TENM3: variants seen among roughly 807,000 people sequenced by gnomAD.
TENM3 encodes the protein teneurin-3.
A neutral mutation model predicts 255.1 loss-of-function variants in TENM3; 63 were observed. That is an observed-to-expected ratio of 0.25 (90% CI 0.20 to 0.30). The LOEUF (loss-of-function observed/expected upper bound fraction) is 0.30. Among genes scored for constraint, TENM3 ranks in the 10% least tolerant of loss-of-function variants. TENM3 has a pLI of 1.00. For missense variants in TENM3, 2,929 were observed against 3,461.1 expected (o/e 0.85, Z 3.86); for synonymous variants, 1,306 against 1,322.3 (o/e 0.99, Z 0.27).
At chr4:182,169,777 G>C (rs1006051276) in intron 1 of TENM3, among the ~76,000 whole-genome samples, 8 of 151,964 alleles carry the variant, frequency 5.3e-5, no homozygotes, top group African/African-American at 1.7e-4. Flanking sequence ...ATGTAGCTAT[G>C]TCAGCTACAG....
At chr4:182,150,046 T>C (rs994843151) in intron 1 of TENM3, among the ~76,000 whole-genome samples, 2 of 151,982 alleles carry the variant, frequency 1.3e-5, no homozygotes, top group East Asian at 3.9e-4. Flanking sequence ...TTCTCAAATA[T>C]TGTGGAGTAG....
chr4:182,295,569 GTA>G (rs748881643), intron 1 of TENM3, among the ~76,000 whole-genome samples: 1 of 151,934 alleles, frequency 6.6e-6, no homozygotes, highest in Non-Finnish European at 1.5e-5. Flanking sequence ...GTGCCGGATG[GTA>G]TATGTGCTTT....
At chr4:182,070,639 C>G in the TENM3 span, among the ~76,000 whole-genome samples, 1 of 152,036 alleles carries the variant, frequency 6.6e-6, no homozygotes, top group Non-Finnish European at 1.5e-5. Flanking sequence ...TACACATATA[C>G]ACAGAAGAAA....
chr4:181,967,513 A>G, the TENM3 span, among the ~76,000 whole-genome samples: 2 of 152,170 alleles, frequency 1.3e-5, no homozygotes, highest in Admixed American at 6.5e-5. Flanking sequence ...TCTTTATCTC[A>G]TGAAGCAAGT....
intron 1 of TENM3, among the ~76,000 whole-genome samples, chr4:182,251,791 G>T (rs2150119372): frequency 6.6e-6 from 1 of 152,294 alleles, no homozygotes; most frequent in South Asian, 2.1e-4. Flanking sequence ...AACATGCACA[G>T]AACATAAAAT....
chr4:182,253,033 G>C (rs1758129036), intron 1 of TENM3, among the ~76,000 whole-genome samples: 1 of 152,204 alleles, frequency 6.6e-6, no homozygotes, highest in Non-Finnish European at 1.5e-5. Flanking sequence ...CCTCTGAAAG[G>C]AGAAAGAAAA....
At chr4:182,556,472 T>TAGTGAAATC (rs1290034451) in intron 3 of TENM3, among the ~76,000 whole-genome samples, 1 of 152,214 alleles carries the variant, frequency 6.6e-6, no homozygotes, top group African/African-American at 2.4e-5. Context: ...ACAAAGTAAT[T>TAGTGAAATC]AGTGAAATCA....
At chr4:181,957,717 A>G in the TENM3 span, among the ~76,000 whole-genome samples, 1 of 152,170 alleles carries the variant, frequency 6.6e-6, no homozygotes, top group Non-Finnish European at 1.5e-5. Context: ...GTTTGCTAAC[A>G]TCTGACAGTA....
the TENM3 span, among the ~76,000 whole-genome samples, chr4:181,853,941 C>T: frequency 3.9e-5 from 6 of 152,166 alleles, no homozygotes; most frequent in African/African-American, 1.4e-4. Flanking sequence ...TTGAAAGAAT[C>T]TTATTACAAA....
chr4:181,902,892 G>C, the TENM3 span, among the ~76,000 whole-genome samples: 1 of 152,180 alleles, frequency 6.6e-6, no homozygotes, highest in Admixed American at 6.5e-5. Flanking sequence ...ACATGATACT[G>C]AGTGATGAGG....
At chr4:181,615,789 C>T in the TENM3 span, among the ~76,000 whole-genome samples, 1 of 152,148 alleles carries the variant, frequency 6.6e-6, no homozygotes, top group Admixed American at 6.5e-5. Context: ...ATAAGAAAGA[C>T]CTCAGAATGT....
chr4:181,928,778 G>A, the TENM3 span, among the ~76,000 whole-genome samples: 1 of 152,100 alleles, frequency 6.6e-6, no homozygotes, highest in Non-Finnish European at 1.5e-5. Flanking sequence ...GGCAGCCAGC[G>A]AGTAAGATCG....
At chr4:182,085,118 T>C in the TENM3 span, 1 of 152,198 alleles carries the variant, frequency 6.6e-6, no homozygotes, top group African/African-American at 2.4e-5. Flanking sequence ...TAATGTTGGC[T>C]CTGTGAAACC....
the TENM3 span, among the ~76,000 whole-genome samples, chr4:181,641,028 A>G: frequency 7.2e-5 from 11 of 152,318 alleles, no homozygotes; most frequent in South Asian, 2.3e-3. Context: ...GTAATCACAC[A>G]AGGGACTATT....
chr4:182,583,047 AT>A (rs1745655545), intron 3 of TENM3, among the ~76,000 whole-genome samples: 1 of 152,166 alleles, frequency 6.6e-6, no homozygotes, highest in Non-Finnish European at 1.5e-5. Flanking sequence ...TAATGTTAAT[AT>A]TTTTATTCTC....
chr4:182,573,502 A>G (rs190261173), intron 3 of TENM3, among the ~76,000 whole-genome samples: 26 of 152,334 alleles, frequency 1.7e-4, no homozygotes, highest in African/African-American at 6.3e-4. Flanking sequence ...TTTGTGTGAC[A>G]CCATCAGAAA....
intron 3 of TENM3, among the ~76,000 whole-genome samples, chr4:182,379,101 G>C (rs946017236): frequency 3.9e-5 from 6 of 152,222 alleles, no homozygotes; most frequent in Non-Finnish European, 8.8e-5. Flanking sequence ...GCAAGGGCCA[G>C]GCTTGGTGGC....
At chr4:182,218,340 A>C (rs1202185526) in intron 1 of TENM3, among the ~76,000 whole-genome samples, 1 of 152,198 alleles carries the variant, frequency 6.6e-6, no homozygotes, top group Non-Finnish European at 1.5e-5. Context: ...GAGATATTTT[A>C]ACAGGAATTA....
rs1409955863 is a variant in TENM3, at chr4:182,680,685, C to T, written c.1782C>T (p.Ile594=). 1.2e-6 allele frequency: 2 copies of T among 1,600,964 alleles called. No individual in the cohort carries two copies. The highest frequency in any genetic ancestry group is 1.7e-6 in the Non-Finnish European group (2 of 1,174,962). Residue 594 remains isoleucine (I), a synonymous_variant, in exon 10 of 28, where the codon ATC becomes ATT. Transcript: ENST00000511685. ...AGTGTGGGGGTCGTGGGATTTGTAT[C>T]ATGGGCTCTTGTGCTTGCAACTCAG... ...DPQCGGRGIC[I]MGSCACNSGY...
Sources: gnomAD v4.1 joint callset for allele counts (sites outside exome capture counted in the v4.1 genomes callset) on GRCh38, gnomAD v4.1.1 for gene constraint, MANE v1.5 for transcripts, NCBI Gene and HGNC (gene_info 2026-07-23, HGNC 2026-07-21) for gene names.